ELMO1: variants seen among roughly 807,000 people sequenced by gnomAD.
ELMO1 encodes engulfment and cell motility 1, also known as engulfment and cell motility protein 1.
A neutral mutation model predicts 98.9 loss-of-function variants in ELMO1; 26 were observed. The ratio of observed to expected loss-of-function variants is 0.26; its 90% CI spans 0.19 to 0.36. ELMO1 has a LOEUF of 0.36. Among genes scored for constraint, ELMO1 ranks in the 10% least tolerant of loss-of-function variants. The pLI is 1.00. For synonymous variants in ELMO1, 346 were observed against 346.0 expected (o/e 1.00, Z 0.00); for missense variants, 627 against 935.2 (o/e 0.67, Z 4.30).
At chr7:36,930,828 G>A (rs868161370) in intron 16 of ELMO1, among the ~76,000 whole-genome samples, 3 of 152,188 alleles carry the variant, frequency 2.0e-5, no homozygotes, top group South Asian at 2.1e-4. Context: ...TGTTTTCTAG[G>A]GTGAGAAAGA....
rs377068889 is a variant in ELMO1, at chr7:37,331,294, C to G, written c.78+11319G>C. Among the ~76,000 whole-genome samples the G allele has an allele frequency of 6.5e-3, 976 of 150,040 alleles. 15 individuals carry two copies. Among genetic ancestry groups the G allele is most frequent in the African/African-American group, 0.023 (931 of 40,748 alleles). ...ACACCATTCTCCTGCCTCAGCCTCC[C>G]GAGTAGCTGGGACTACAGGCGCCAG... On this transcript the variant is annotated intron_variant, in intron 2 of 21. Transcript: ENST00000310758.
At chr7:37,063,732 T>A (rs1190276632) in intron 15 of ELMO1, among the ~76,000 whole-genome samples, 1 of 152,158 alleles carries the variant, frequency 6.6e-6, no homozygotes, top group Non-Finnish European at 1.5e-5. Context: ...CCCTCCGCAG[T>A]CACCCTTGAG....
In ELMO1 at chr7:36,855,984, C is replaced by G. The variant is rs147462933; in HGVS notation, c.1984-233G>C. On this transcript the variant is annotated intron_variant, in intron 21 of 21. Transcript: ENST00000310758. The surrounding 1 kb of genome is among the most constrained non-coding windows in gnomAD (Gnocchi z 4.2). ...AGAAGTGACTCAGTATTATGTAGAC[C>G]GGGTGGGATTTGAACCCAGGCAATC... Among the ~76,000 whole-genome samples the G allele has an allele frequency of 6.6e-6, 1 of 152,118 alleles. No homozygotes were observed. Among genetic ancestry groups the G allele is most frequent in the Non-Finnish European group, 1.5e-5 (1 of 68,022 alleles).
At chr7:36,923,180 C>T (rs1785280185) in intron 16 of ELMO1, among the ~76,000 whole-genome samples, 1 of 152,174 alleles carries the variant, frequency 6.6e-6, no homozygotes. Context: ...TTTCTAGCAT[C>T]CCTCAGATGC....
chr7:37,433,391 T>C (rs1805012778), intron 1 of ELMO1, among the ~76,000 whole-genome samples: 2 of 152,162 alleles, frequency 1.3e-5, no homozygotes, highest in African/African-American at 4.8e-5. Flanking sequence ...AAGCACTTCA[T>C]GTGTCCAAGG....
At chr7:37,383,976 C>T (rs986110570) in intron 1 of ELMO1, among the ~76,000 whole-genome samples, 14 of 152,190 alleles carry the variant, frequency 9.2e-5, no homozygotes, top group Admixed American at 2.6e-4. Context: ...CCACCGCGCC[C>T]GGCTAATTTT....
chr7:37,060,071 C>A (rs960383407), intron 15 of ELMO1, among the ~76,000 whole-genome samples: 2 of 152,216 alleles, frequency 1.3e-5, no homozygotes, highest in African/African-American at 4.8e-5. Flanking sequence ...ATCACACTGA[C>A]CTTCATAACA....
chr7:36,977,809 GT>G (rs1335403117), intron 16 of ELMO1, among the ~76,000 whole-genome samples: 1 of 152,196 alleles, frequency 6.6e-6, no homozygotes, highest in Non-Finnish European at 1.5e-5. Flanking sequence ...CAAGGGCCCA[GT>G]TTTTGAAAGT....
chr7:37,311,451 C>T (rs961062156), intron 4 of ELMO1, among the ~76,000 whole-genome samples: 1 of 152,002 alleles, frequency 6.6e-6, no homozygotes, highest in South Asian at 2.1e-4. Flanking sequence ...AAAAATGAGT[C>T]ACTGGTTACC....
chr7:37,315,026 G>C lies in ELMO1; in HGVS notation c.120-104C>G, dbSNP rs550409394. 1,736 of 999,066 alleles carry C rather than the reference G, an allele frequency of 1.7e-3. 4 individuals carry two copies. The highest frequency in any genetic ancestry group is 1.9e-3 in the Non-Finnish European group (1,300 of 667,444). The allele number at this position is 999,066 out of a possible 1,614,324, so 61.9% of individuals were successfully genotyped here. A position where few individuals can be genotyped will look rare whatever the true frequency, so the allele number is the denominator to read the frequency against. ...ACTAAGCACCCTGTGATTGGAATTG[G>C]ACCAATCCCAACATATACCACAATG... is the stretch of plus-strand genomic sequence containing the variant. On this transcript the variant is annotated intron_variant, in intron 3 of 21. Coordinates refer to ENST00000310758, the MANE Select transcript of ELMO1 (RefSeq NM_014800.11).
chr7:37,009,259 T>A (rs561701118), intron 16 of ELMO1, among the ~76,000 whole-genome samples: 1 of 152,300 alleles, frequency 6.6e-6, no homozygotes, highest in African/African-American at 2.4e-5. Context: ...AAATGAATAA[T>A]GCATGCTCTA....
At chr7:37,195,350 C>T (rs183450130) in intron 13 of ELMO1, among the ~76,000 whole-genome samples, 56 of 152,350 alleles carry the variant, frequency 3.7e-4, no homozygotes, top group Non-Finnish European at 6.0e-4. Flanking sequence ...ATGTTGGTTG[C>T]ACGAACAAAT....
intron 16 of ELMO1, among the ~76,000 whole-genome samples, chr7:36,999,420 C>T (rs568435755): frequency 2.4e-4 from 36 of 152,270 alleles, no homozygotes; most frequent in African/African-American, 7.0e-4. Context: ...AGTCTCTAGA[C>T]GAAGAGACCG....
At chr7:37,366,784 G>C (rs1442209117) in intron 1 of ELMO1, among the ~76,000 whole-genome samples, 1 of 152,194 alleles carries the variant, frequency 6.6e-6, no homozygotes, top group Non-Finnish European at 1.5e-5. Flanking sequence ...CGGAGAAAGA[G>C]AGATTCTTTA....
At chr7:36,922,266 G>A (rs1481122114) in intron 16 of ELMO1, among the ~76,000 whole-genome samples, 1 of 145,326 alleles carries the variant, frequency 6.9e-6, no homozygotes, top group African/African-American at 2.6e-5. Context: ...ATTCACAAAA[G>A]CTCATGAACT....
chr7:37,179,398 C>A (rs1790703737), intron 13 of ELMO1, among the ~76,000 whole-genome samples: 1 of 151,844 alleles, frequency 6.6e-6, no homozygotes, highest in African/African-American at 2.4e-5. Flanking sequence ...CCACCTCAGC[C>A]TCCCGAGTAT....
intron 15 of ELMO1, among the ~76,000 whole-genome samples, chr7:37,064,446 AG>A (rs1796842641): frequency 6.6e-6 from 1 of 152,138 alleles, no homozygotes; most frequent in African/African-American, 2.4e-5. Context: ...CCTGGGTCCA[AG>A]GTTTGACAGC....
intron 16 of ELMO1, among the ~76,000 whole-genome samples, chr7:36,929,387 G>A (rs999922865): frequency 6.6e-6 from 1 of 152,168 alleles, no homozygotes; most frequent in Non-Finnish European, 1.5e-5. Flanking sequence ...GCACACCAAA[G>A]CATTGGTAAA....
chr7:37,277,470 C>T (rs1356813636), intron 4 of ELMO1, among the ~76,000 whole-genome samples: 1 of 152,182 alleles, frequency 6.6e-6, no homozygotes, highest in Admixed American at 6.5e-5. Context: ...TCGCTTAGAG[C>T]TGGAGATGCA....
Sources: allele counts gnomAD v4.1 joint callset (sites outside exome capture counted in the v4.1 genomes callset), GRCh38; gene constraint gnomAD v4.1.1; non-coding constraint Gnocchi (gnomAD v3.1); transcripts MANE v1.5; gene names NCBI Gene and HGNC (gene_info 2026-07-23, HGNC 2026-07-21).